The following CACNA1C variants were observed in gnomAD, a reference collection of about 807,000 sequenced individuals.
CACNA1C encodes calcium voltage-gated channel subunit alpha1 C, also known as voltage-dependent L-type calcium channel subunit alpha-1C.
Under a neutral mutation model 229.0 loss-of-function variants are expected in CACNA1C, and 30 were observed. That is an observed-to-expected ratio of 0.13 (90% CI 0.10 to 0.18). The LOEUF (loss-of-function observed/expected upper bound fraction) is 0.18. Among genes scored for constraint, CACNA1C ranks in the 10% least tolerant of loss-of-function variants. CACNA1C has a pLI of 1.00. For missense variants in CACNA1C, 1,658 were observed against 2,845.0 expected (o/e 0.58, Z 9.49); for synonymous variants, 1,114 against 1,132.5 (o/e 0.98, Z 0.33).
chr12:2,454,384 C>T (rs2099403351), intron 4 of CACNA1C, among the ~76,000 whole-genome samples: 1 of 152,144 alleles, frequency 6.6e-6, no homozygotes, highest in Non-Finnish European at 1.5e-5. Context: ...CCAGCACCAC[C>T]GTCTTTCCGG....
intron 1 of CACNA1C, among the ~76,000 whole-genome samples, chr12:2,100,004 G>A (rs1020299646): frequency 5.3e-5 from 8 of 152,342 alleles, no homozygotes; most frequent in African/African-American, 1.7e-4. Context: ...AACTGACAGA[G>A]GCTCGAATTT....
In CACNA1C at chr12:2,651,611, C is replaced by G; in HGVS notation, c.3946-29C>G. ...TCTCACCCCCCTCTTGCTGTGCTAA[C>G]TGCACCTCCTGTTGCCGACGGGTTC... On this transcript the variant is annotated intron_variant, in intron 31 of 46. Coordinates refer to ENST00000399655, the MANE Select transcript of CACNA1C (RefSeq NM_000719.7). The surrounding 1 kb of genome is among the most constrained non-coding windows in gnomAD (Gnocchi z 5.4). 6.2e-7 allele frequency: 1 copy of G among 1,613,970 alleles called. No homozygotes were observed. The highest frequency in any genetic ancestry group is 8.5e-7 in the Non-Finnish European group (1 of 1,179,878).
chr12:2,462,690 T>G (rs773643195), intron 5 of CACNA1C, among the ~76,000 whole-genome samples: 1 of 152,170 alleles, frequency 6.6e-6, no homozygotes, highest in African/African-American at 2.4e-5. Flanking sequence ...TAAAATGATG[T>G]GAGTGGTGCC....
chr12:2,241,351 C>T (rs1373507280), intron 3 of CACNA1C, among the ~76,000 whole-genome samples: 2 of 152,088 alleles, frequency 1.3e-5, no homozygotes, highest in African/African-American at 2.4e-5. Flanking sequence ...CCCAAGGTCA[C>T]GTGAAAGAGC....
intron 15 of CACNA1C, among the ~76,000 whole-genome samples, chr12:2,583,154 G>A (rs1195704798): frequency 1.3e-5 from 2 of 152,220 alleles, no homozygotes; most frequent in African/African-American, 2.4e-5. Flanking sequence ...GGCCCGCAGC[G>A]GCGCCGCGCT....
At chr12:2,021,021 A>G (rs1002164301) in intron 1 of CACNA1C, among the ~76,000 whole-genome samples, 1 of 152,236 alleles carries the variant, frequency 6.6e-6, no homozygotes, top group Non-Finnish European at 1.5e-5. Flanking sequence ...GTAGGAAAAT[A>G]TCTACACGTC....
At chr12:2,191,551 TTCAC>T (rs1403983842) in intron 3 of CACNA1C, among the ~76,000 whole-genome samples, 4 of 151,984 alleles carry the variant, frequency 2.6e-5, no homozygotes, top group Non-Finnish European at 4.4e-5. Context: ...CATGGACACA[TTCAC>T]TCACATGCAC....
At position 2,585,963 on chromosome 12, in the gene CACNA1C, A is replaced by G. The variant is rs1268021788; in HGVS notation, c.2530+59A>G. 14 of 1,107,754 alleles carry G rather than the reference A, an allele frequency of 1.3e-5. No homozygotes were observed. Among genetic ancestry groups the G allele is most frequent in the Non-Finnish European group, 1.7e-5 (13 of 766,698 alleles). 68.6% of individuals were successfully genotyped at this position (1,107,754 alleles called of 1,614,324 possible). A position where few individuals can be genotyped will look rare whatever the true frequency, so the allele number is the denominator to read the frequency against. Reference sequence around the variant, plus strand: ...GATTGGGGGCAGAGATCTAAATTCTAAAGCCACGTGGGAGTGGCCATATAT... The same window carrying G: ...GATTGGGGGCAGAGATCTAAATTCTGAAGCCACGTGGGAGTGGCCATATAT... On this transcript the variant is annotated intron_variant, in intron 18 of 46. Transcript: ENST00000399655. The surrounding 1 kb of genome is among the most constrained non-coding windows in gnomAD (Gnocchi z 4.1).
At position 2,040,045 on chromosome 12, in the gene CACNA1C, C is replaced by T. The variant is rs75761839; in HGVS notation, c.139+68844C>T. ...TTTTTCTTTCAAGTCATCACCTCTT[C>T]ATTCAACTTGCTTTCCCATCCAGGT... On this transcript the variant is annotated intron_variant, in intron 1 of 46. Coordinates refer to the CACNA1C transcript ENST00000682462. Among the ~76,000 whole-genome samples, 27 of 152,236 alleles carry T rather than the reference C, an allele frequency of 1.8e-4. No individual in the cohort carries two copies. The East Asian group carries it at 4.8e-3, about 27-fold the overall frequency.
intron 7 of CACNA1C, among the ~76,000 whole-genome samples, chr12:2,495,945 T>G (rs867658613): frequency 1.3e-5 from 2 of 152,250 alleles, no homozygotes; most frequent in African/African-American, 2.4e-5. Context: ...TTTCTACGGC[T>G]GTTTCTTCCT....
At chr12:2,553,076 A>C (rs1454316393) in intron 10 of CACNA1C, among the ~76,000 whole-genome samples, 1 of 152,186 alleles carries the variant, frequency 6.6e-6, no homozygotes, top group Non-Finnish European at 1.5e-5. Context: ...TGTGCACCTG[A>C]AACTAATTGG....
intron 34 of CACNA1C, among the ~76,000 whole-genome samples, chr12:2,656,430 G>A (rs2095425355): frequency 6.6e-6 from 1 of 152,166 alleles, no homozygotes; most frequent in Non-Finnish European, 1.5e-5. Context: ...GAAATAGTTG[G>A]TGACACAAAT....
chr12:2,019,549 AGAAG>A (rs367805196), intron 1 of CACNA1C, among the ~76,000 whole-genome samples: 119 of 148,718 alleles, frequency 8.0e-4, no homozygotes, highest in East Asian at 4.5e-3. Flanking sequence ...AAGGAAGGAA[AGAAG>A]GAAGGAAGGA....
intron 3 of CACNA1C, among the ~76,000 whole-genome samples, chr12:2,438,152 G>A (rs935651904): frequency 7.3e-6 from 1 of 136,638 alleles, no homozygotes; most frequent in African/African-American, 2.9e-5. Flanking sequence ...TGGTGATAGT[G>A]GGGATGGTAG....
intron 3 of CACNA1C, among the ~76,000 whole-genome samples, chr12:2,282,210 G>A (rs545788794): frequency 8.9e-4 from 136 of 152,256 alleles, no homozygotes; most frequent in African/African-American, 3.2e-3. Flanking sequence ...GGGAACACAG[G>A]GGGTGACATT....
intron 30 of CACNA1C, among the ~76,000 whole-genome samples, chr12:2,644,953 C>A (rs574288527): frequency 6.6e-6 from 1 of 152,284 alleles, no homozygotes; most frequent in South Asian, 2.1e-4. Context: ...GAACCACTAA[C>A]CAGAGCTCGC....
chr12:2,162,840 T>C (rs752872033), intron 3 of CACNA1C, among the ~76,000 whole-genome samples: 18 of 152,288 alleles, frequency 1.2e-4, no homozygotes, highest in Middle Eastern at 3.4e-3. Flanking sequence ...TTGGTATACT[T>C]TTGTGAACCA....
intron 6 of CACNA1C, among the ~76,000 whole-genome samples, chr12:2,489,449 G>A (rs17801265): frequency 0.12 from 18,687 of 152,198 alleles, 1,331 homozygotes; most frequent in Admixed American, 0.19. Context: ...AATCCCGGAG[G>A]CATCTGCAAG....
chr12:2,327,772 G>A (rs973007299), intron 3 of CACNA1C, among the ~76,000 whole-genome samples: 4 of 152,196 alleles, frequency 2.6e-5, no homozygotes, highest in Admixed American at 6.5e-5. Flanking sequence ...AAAGCAAAAC[G>A]AAAATTCAGT....
Sources: gnomAD v4.1 joint callset for allele counts (sites outside exome capture counted in the v4.1 genomes callset) on GRCh38, gnomAD v4.1.1 for gene constraint, Gnocchi (gnomAD v3.1) non-coding constraint, MANE v1.5 for transcripts, NCBI Gene and HGNC (gene_info 2026-07-23, HGNC 2026-07-21) for gene names.